The following LETM1 variants were observed in gnomAD, a reference collection of about 807,000 sequenced individuals.
LETM1 encodes the protein leucine zipper and EF-hand containing transmembrane protein 1, also known as mitochondrial proton/calcium exchanger protein.
Under a neutral mutation model 74.5 loss-of-function variants are expected in LETM1, and 50 were observed. That is an observed-to-expected ratio of 0.67 (90% CI 0.53 to 0.85). The LOEUF is 0.85. Among genes scored for constraint, LETM1 ranks in the 40% least tolerant of loss-of-function variants. The pLI is 0.00. For synonymous variants in LETM1, 446 were observed against 407.1 expected, an observed-to-expected ratio of 1.10 and a Z score of -1.15; for missense variants, 824 against 967.8, an observed-to-expected ratio of 0.85 and a Z score of 1.97.
rs755627031 is a variant in LETM1, at chr4:1,814,382, G to A, written c.*42C>T. On this transcript the variant is annotated 3_prime_UTR_variant, in exon 14 of 14. Coordinates refer to ENST00000302787, the MANE Select transcript of LETM1 (RefSeq NM_012318.3). Reference sequence around the variant, plus strand: ...CAATCGCCCTCACGGCCCTTGCCAGGGTGACGGCACAGCAGGAGGACAGGT... The same window carrying A: ...CAATCGCCCTCACGGCCCTTGCCAGAGTGACGGCACAGCAGGAGGACAGGT... 19 of 1,613,464 alleles carry A rather than the reference G, an allele frequency of 1.2e-5. No individual in the cohort carries two copies. The highest frequency in any genetic ancestry group is 1.7e-4 in the Middle Eastern group (1 of 6,010).
At chr4:1,842,605 C>G (rs1193676675) in intron 2 of LETM1, among the ~76,000 whole-genome samples, 1 of 152,246 alleles carries the variant, frequency 6.6e-6, no homozygotes, top group Admixed American at 6.5e-5. Flanking sequence ...TTTGCTTTCT[C>G]CCAACTGGAA....
Position 1,841,370 on chromosome 4 carries a change from G to T in LETM1, c.571C>A (p.Leu191Met), listed in dbSNP as rs770560562. ...MLWRILNGHS[L>M]TRRERRQFLR... ...ACCTGCCTGCGCTCCCGGCGGGTCA[G>T]GCTGTGGCCGTTGAGGATGCGCCAG... Residue 191 changes from leucine to methionine, a missense_variant, in exon 3 of 14, where the codon CTG becomes ATG. By Grantham distance (15) the Leu-to-Met change is conservative. This residue lies in a region of LETM1 where 269 missense variants were observed against 348.8 expected (regional missense o/e 0.77). Transcript: ENST00000302787. 1 of 1,613,188 alleles carries T rather than the reference G, an allele frequency of 6.2e-7. No individual in the cohort carries two copies. Among genetic ancestry groups the T allele is most frequent in the Non-Finnish European group, 8.5e-7 (1 of 1,179,318 alleles).
At position 1,836,843 on chromosome 4, in the gene LETM1, C is replaced by T. The variant is rs146454291; in HGVS notation, c.595-271G>A. On this transcript the variant is annotated intron_variant, in intron 3 of 13. Coordinates refer to ENST00000302787, the MANE Select transcript of LETM1 (RefSeq NM_012318.3). This position sits in a 1 kb window ranked among gnomAD's most constrained non-coding sequence, Gnocchi z 5.8. ...ACTGGGTGCTCCCAGCGATCGAGTC[C>T]TCCGAGGACACCGGCCAGCACTCTG... Among the ~76,000 whole-genome samples, 305 of 152,198 alleles carry T rather than the reference C, an allele frequency of 2.0e-3. 1 individual carries two copies. Among genetic ancestry groups the T allele is most frequent in the African/African-American group, 7.1e-3 (294 of 41,534 alleles).
rs186379743 is a variant in LETM1 at position 1,848,185 on chromosome 4, C to T, written c.143+964G>A. 1.1e-3 allele frequency among the ~76,000 whole-genome samples: 167 copies of T among 152,160 alleles called. 1 individual carries two copies. In the East Asian group the frequency reaches 0.028, roughly 25 times the overall value. On this transcript the variant is annotated intron_variant, in intron 2 of 13. Transcript: ENST00000302787. ...TTGGGAGGCTAAGGCAGGCAGATCA[C>T]GGGAGGTCAGGAGTTCAAGACCAGC... is the stretch of plus-strand genomic sequence containing the variant.
chr4:1,835,559 G>A (rs766262417), intron 4 of LETM1, among the ~76,000 whole-genome samples: 1 of 152,208 alleles, frequency 6.6e-6, no homozygotes, highest in Admixed American at 6.5e-5. Flanking sequence ...ACAGGAAGGC[G>A]TCTGGCCTTC....
At chr4:1,817,043 C>G (rs1049987521) in intron 11 of LETM1, 129 bp from the exon 12 acceptor site, 4 of 681,686 alleles carry the variant, frequency 5.9e-6, no homozygotes, top group African/African-American at 5.4e-5. Flanking sequence ...GTTAGGAGTT[C>G]GAGACCAGCC....
At chr4:1,816,092 C>T (rs1245163867) in intron 12 of LETM1, among the ~76,000 whole-genome samples, 1 of 152,270 alleles carries the variant, frequency 6.6e-6, no homozygotes, top group African/African-American at 2.4e-5. Flanking sequence ...GGGCTGTTGT[C>T]CTCAGGCCTG....
chr4:1,844,781 C>G (rs1028685398), intron 2 of LETM1, among the ~76,000 whole-genome samples: 5 of 150,916 alleles, frequency 3.3e-5, no homozygotes, highest in Non-Finnish European at 5.9e-5. Flanking sequence ...GGCACCATGG[C>G]TCACACCTGT....
At chr4:1,823,197 T>C in intron 8 of LETM1, 66 bp from the exon 9 acceptor site, 4 of 1,514,132 alleles carry the variant, frequency 2.6e-6, no homozygotes, top group Non-Finnish European at 3.6e-6. Flanking sequence ...GCCCCTCACC[T>C]CTGTCCTGTG....
At chr4:1,840,606 T>C (rs954119039) in intron 3 of LETM1, among the ~76,000 whole-genome samples, 1 of 151,730 alleles carries the variant, frequency 6.6e-6, no homozygotes. Flanking sequence ...GGGCGGAGCC[T>C]GCAGCGAGCC....
intron 6 of LETM1, among the ~76,000 whole-genome samples, chr4:1,828,254 G>T (rs943668721): frequency 1.5e-5 from 2 of 133,258 alleles, no homozygotes; most frequent in African/African-American, 5.6e-5. Flanking sequence ...CCTCCCGGAC[G>T]GGGCGGCTGG....
intron 10 of LETM1, 108 bp downstream of exon 10, chr4:1,822,073 G>A (rs1162559694): frequency 6.2e-6 from 7 of 1,135,230 alleles, no homozygotes; most frequent in East Asian, 2.9e-5. Context: ...CTCTCACTGA[G>A]GGCTATAGAT....
chr4:1,842,997 C>T lies in LETM1; in HGVS notation c.144-1200G>A, dbSNP rs112248489. 1.0e-3 allele frequency: 351 copies of T among 346,904 alleles called. 1 individual carries two copies. The highest frequency in any genetic ancestry group is 7.1e-3 in the African/African-American group (326 of 45,708). 21.5% of individuals were successfully genotyped at this position (346,904 alleles called of 1,614,324 possible). ...TGGACACAAATCCCCCCGGGTGGCC[C>T]GAGCTCACCTAAAAGGCCATGTGTG... On this transcript the variant is annotated intron_variant, in intron 2 of 13. Coordinates refer to ENST00000302787, the MANE Select transcript of LETM1 (RefSeq NM_012318.3).
At position 1,813,892 on chromosome 4, in the gene LETM1, A is replaced by G. The variant is rs1722537300; in HGVS notation, c.*532T>C. 1 of 160,078 alleles carries G rather than the reference A, an allele frequency of 6.2e-6. No homozygotes were observed. The highest frequency in any genetic ancestry group is 5.8e-5 in the Admixed American group (1 of 17,242). 9.9% of individuals were successfully genotyped at this position (160,078 alleles called of 1,614,324 possible). A position where few individuals can be genotyped will look rare whatever the true frequency, so the allele number is the denominator to read the frequency against. On this transcript the variant is annotated 3_prime_UTR_variant, in exon 14 of 14. Coordinates refer to ENST00000302787, the MANE Select transcript of LETM1 (RefSeq NM_012318.3). ...GATGGCAGACACCTCTGTCTCCACA[A>G]TGACCCACATCCAACTGAAAGTGTG...
chr4:1,819,210 T>C, intron 11 of LETM1, 128 bp downstream of exon 11: 5 of 946,690 alleles, frequency 5.3e-6, no homozygotes, highest in Non-Finnish European at 7.8e-6. Context: ...ATAACGTGCT[T>C]TCCTCTCCAA....
At position 1,853,227 on chromosome 4, in the gene LETM1, C is replaced by T. The variant is rs540575175; in HGVS notation, c.82+2642G>A. ...CACAGCCCTCACTGTTGTCCCCAGG[C>T]GGCTCAGGCCAGAGGCCCCCTCTCC... On this transcript the variant is annotated intron_variant, in intron 1 of 13. Coordinates refer to ENST00000302787, the MANE Select transcript of LETM1 (RefSeq NM_012318.3). Among the ~76,000 whole-genome samples, 24 of 152,062 alleles carry T rather than the reference C, an allele frequency of 1.6e-4. No individual in the cohort carries two copies. The East Asian group carries it at 3.5e-3, about 22-fold the overall frequency.
At chr4:1,819,154 G>A (rs1711685725) in intron 11 of LETM1, among the ~76,000 whole-genome samples, 184 bp downstream of exon 11, 1 of 151,866 alleles carries the variant, frequency 6.6e-6, no homozygotes, top group Admixed American at 6.6e-5. Flanking sequence ...CAGAGGATTG[G>A]TCCAGCCGGA....
At chr4:1,832,672 A>T (rs1712317418) in intron 6 of LETM1, 72 bp downstream of exon 6, 1 of 1,430,786 alleles carries the variant, frequency 7.0e-7, no homozygotes, top group Admixed American at 1.7e-5. Flanking sequence ...CAATGAGGAC[A>T]TGCTGCTTTT....
chr4:1,831,016 G>A (rs1036965638), intron 6 of LETM1, among the ~76,000 whole-genome samples: 1 of 152,300 alleles, frequency 6.6e-6, no homozygotes, highest in Admixed American at 6.5e-5. Context: ...CTATGGTCCA[G>A]CTTTCATGGG....
Sources: allele counts gnomAD v4.1 joint callset (sites outside exome capture counted in the v4.1 genomes callset), GRCh38; gene constraint gnomAD v4.1.1; regional missense constraint gnomAD v4.1.1; non-coding constraint Gnocchi (gnomAD v3.1); transcripts MANE v1.5; gene names NCBI Gene and HGNC (gene_info 2026-07-23, HGNC 2026-07-21).